The following ZNF396 variants were observed in gnomAD, a reference collection of about 807,000 sequenced individuals.
The protein encoded by ZNF396 is zinc finger and SCAN domain-containing protein 14.
In ZNF396, 14 loss-of-function variants were observed where a neutral mutation model predicts 20.5. The observed-to-expected ratio is 0.68, with a 90% CI of 0.45 to 1.07. The LOEUF is 1.07. Among genes scored for constraint, ZNF396 ranks in the 50% least tolerant of loss-of-function variants. The probability of loss-of-function intolerance (pLI) is 0.00; values close to 1 mark genes in which losing one functional copy is unlikely to be tolerated. For missense variants in ZNF396, 347 were observed against 390.1 expected, an observed-to-expected ratio of 0.89 and a Z score of 0.93; for synonymous variants, 119 against 140.6, an observed-to-expected ratio of 0.85 and a Z score of 1.08.
intron 3 of ZNF396, 38 bp downstream of exon 3, chr18:35,373,418 C>T (rs2045210229): frequency 1.2e-6 from 2 of 1,602,442 alleles, no homozygotes; most frequent in Non-Finnish European, 8.5e-7. Flanking sequence ...CAGAGGGCCC[C>T]CACACCTTCC....
At chr18:35,375,304 G>GA (rs1201077158) in intron 1 of ZNF396, among the ~76,000 whole-genome samples, 4 of 27,406 alleles carry the variant, frequency 1.5e-4, no homozygotes, top group East Asian at 9.5e-4. Flanking sequence ...AAAAAAAAAA[G>GA]AAAAAACAAC....
intron 3 of ZNF396, among the ~76,000 whole-genome samples, chr18:35,371,180 A>G (rs2045174110): frequency 6.6e-6 from 1 of 152,174 alleles, no homozygotes; most frequent in East Asian, 1.9e-4. Flanking sequence ...CCTTAGAATC[A>G]CCCAACATAA....
At chr18:35,370,574 G>C (rs1277420670) in intron 3 of ZNF396, among the ~76,000 whole-genome samples, 1 of 142,760 alleles carries the variant, frequency 7.0e-6, no homozygotes, top group South Asian at 2.3e-4. Flanking sequence ...GTGCAGTGGC[G>C]GGATCTCGGC....
Position 35,368,936 on chromosome 18 carries a change from A to G in ZNF396, c.*279T>C. On this transcript the variant is annotated 3_prime_UTR_variant, in exon 4 of 4. Coordinates refer to ENST00000589332, the MANE Select transcript of ZNF396 (RefSeq NM_001322286.2). ...TATATGTGTTAATAATGAAAATAGT[A>G]GAACATGTCTGAGAATGCCTTTTCA... The G allele has an allele frequency of 1.7e-6, 2 of 1,206,804 alleles. No individual in the cohort carries two copies. Among genetic ancestry groups the G allele is most frequent in the Non-Finnish European group, 2.1e-6 (2 of 971,590 alleles). 74.8% of individuals were successfully genotyped at this position (1,206,804 alleles called of 1,614,324 possible). A position where few individuals can be genotyped will look rare whatever the true frequency, so the allele number is the denominator to read the frequency against.
At position 35,368,439 on chromosome 18, in the gene ZNF396, T is replaced by A; in HGVS notation, c.*776A>T. The A allele has an allele frequency of 1.4e-6, 2 of 1,395,108 alleles. No individual in the cohort carries two copies. Among genetic ancestry groups the A allele is most frequent in the Non-Finnish European group, 1.9e-6 (2 of 1,066,768 alleles). The allele number at this position is 1,395,108 out of a possible 1,614,324, so 86.4% of individuals were successfully genotyped here. On this transcript the variant is annotated 3_prime_UTR_variant, in exon 4 of 4. Coordinates refer to ENST00000589332, the MANE Select transcript of ZNF396 (RefSeq NM_001322286.2). ...GGCCTCTGCAATCGCATGTTCATAT[T>A]TTGAATCTAGTAACAGAAGACAAAA...
At chr18:35,373,149 A>G (rs1030889938) in intron 3 of ZNF396, 2 of 376,928 alleles carry the variant, frequency 5.3e-6, no homozygotes, top group African/African-American at 4.1e-5. Context: ...TGGGCTGTGT[A>G]CCTTGGGGTC....
chr18:35,375,910 T>G (rs1787933750), intron 1 of ZNF396, among the ~76,000 whole-genome samples: 1 of 152,106 alleles, frequency 6.6e-6, no homozygotes, highest in Admixed American at 6.5e-5. Context: ...GCCCGGCTAA[T>G]TTTTATAATT....
intron 1 of ZNF396, among the ~76,000 whole-genome samples, chr18:35,376,882 G>C (rs1252316152): frequency 6.6e-6 from 1 of 152,128 alleles, no homozygotes; most frequent in Non-Finnish European, 1.5e-5. Context: ...CTTTCTGCAG[G>C]GGACGCCGCT....
rs1567952275 is a variant in ZNF396, at chr18:35,367,116, T to C, written c.*2099A>G. 6.6e-6 allele frequency: 1 copy of C among 152,226 alleles called. No homozygotes were observed. The highest frequency in any genetic ancestry group is 1.5e-5 in the Non-Finnish European group (1 of 68,034). 9.4% of individuals were successfully genotyped at this position (152,226 alleles called of 1,614,324 possible). A position where few individuals can be genotyped will look rare whatever the true frequency, so the allele number is the denominator to read the frequency against. On this transcript the variant is annotated 3_prime_UTR_variant, in exon 4 of 4. Coordinates refer to ENST00000589332, the MANE Select transcript of ZNF396 (RefSeq NM_001322286.2). Reference sequence around the variant, plus strand: ...CTGAGGCACTTGTTGTTTCAATAGATGGTTTGTTCCTCTCCGTAATTACAA... The same window carrying C: ...CTGAGGCACTTGTTGTTTCAATAGACGGTTTGTTCCTCTCCGTAATTACAA...
chr18:35,368,812 A>T lies in ZNF396; in HGVS notation c.*403T>A. 1 of 995,024 alleles carries T rather than the reference A, an allele frequency of 1.0e-6. No individual in the cohort carries two copies. Among genetic ancestry groups the T allele is most frequent in the Non-Finnish European group, 1.2e-6 (1 of 836,824 alleles). 61.6% of individuals were successfully genotyped at this position (995,024 alleles called of 1,614,324 possible). On this transcript the variant is annotated 3_prime_UTR_variant, in exon 4 of 4. Transcript: ENST00000589332. ...TTAGAATTCTAGTGCTCAAGTTATG[A>T]AATGGAGGAGAATGTCTATTTTTAC...
Position 35,374,324 on chromosome 18 carries a change from CT to C in ZNF396, c.-33del. 1 of 1,592,086 alleles carries C rather than the reference CT, an allele frequency of 6.3e-7. No homozygotes were observed. Among genetic ancestry groups the C allele is most frequent in the Non-Finnish European group, 8.5e-7 (1 of 1,169,838 alleles). The stretch of plus-strand genomic sequence containing the variant: ...AGACAAATAGCTCAGTACTGTTAGG[CT>C]TTAATCCTCAAGGAGGTGAAGCTGT... On this transcript the variant is annotated 5_prime_UTR_variant, in exon 2 of 4. Transcript: ENST00000589332. The surrounding 1 kb of genome is among the most constrained non-coding windows in gnomAD (Gnocchi z 4.3).
At chr18:35,375,282 C>T (rs1359724452) in intron 1 of ZNF396, among the ~76,000 whole-genome samples, 1 of 98,870 alleles carries the variant, frequency 1.0e-5, no homozygotes, top group Non-Finnish European at 2.0e-5. Flanking sequence ...CCATCTCTAC[C>T]CCACCAAAAA....
intron 2 of ZNF396, 58 bp downstream of exon 2, chr18:35,373,818 G>T: frequency 6.4e-7 from 1 of 1,559,004 alleles, no homozygotes; most frequent in South Asian, 1.2e-5. Context: ...TACTCCCAAT[G>T]ATGTGCCAGT....
rs759262254 is a variant in ZNF396 at position 35,373,562 on chromosome 18, C to G, written c.456G>C (p.Lys152Asn). The change falls in exon 3 of 4, where the codon AAG (lysine) becomes AAC (asparagine). Residue 152 changes from lysine to asparagine, a missense_variant. Physicochemically the swap from Lys to Asn is moderately conservative, Grantham distance 94 (BLOSUM62 0). Coordinates refer to ENST00000589332, the MANE Select transcript of ZNF396 (RefSeq NM_001322286.2). Reference protein sequence around the residue: ...FGRRKDMIAEKLAPSEITEEL... With the variant: ...FGRRKDMIAENLAPSEITEEL... Reference sequence around the variant, plus strand: ...CCTCAGTGATTTCTGAAGGTGCTAGCTTCTCTGCAATCATGTCCTTCCTTC... The same window carrying G: ...CCTCAGTGATTTCTGAAGGTGCTAGGTTCTCTGCAATCATGTCCTTCCTTC... 2 of 1,614,158 alleles carry G rather than the reference C, an allele frequency of 1.2e-6. No individual in the cohort carries two copies. The highest frequency in any genetic ancestry group is 3.3e-5 in the Admixed American group (2 of 60,026).
intron 3 of ZNF396, 88 bp downstream of exon 3, chr18:35,373,368 G>C (rs765225204): frequency 6.9e-7 from 1 of 1,453,282 alleles, no homozygotes; most frequent in Non-Finnish European, 9.2e-7. Context: ...GGGGAGATTT[G>C]AGGCCTCTTG....
In ZNF396 at chr18:35,367,556, A is replaced by G. The variant is rs1427534967; in HGVS notation, c.*1659T>C. ...GAAAACACAATACATGTATTATTGT[A>G]GTAACATTACAGAGTTTTATCAAGA... On this transcript the variant is annotated 3_prime_UTR_variant, in exon 4 of 4. Coordinates refer to ENST00000589332, the MANE Select transcript of ZNF396 (RefSeq NM_001322286.2). 6.6e-6 allele frequency: 1 copy of G among 152,238 alleles called. No individual in the cohort carries two copies. Among genetic ancestry groups the G allele is most frequent in the African/African-American group, 2.4e-5 (1 of 41,464 alleles). 9.4% of individuals were successfully genotyped at this position (152,238 alleles called of 1,614,324 possible). A position where few individuals can be genotyped will look rare whatever the true frequency, so the allele number is the denominator to read the frequency against.
At chr18:35,375,435 T>C (rs2045244300) in intron 1 of ZNF396, among the ~76,000 whole-genome samples, 1 of 152,234 alleles carries the variant, frequency 6.6e-6, no homozygotes, top group African/African-American at 2.4e-5. Flanking sequence ...TAATTAATGC[T>C]GGGAGGCACA....
chr18:35,369,349 C>T lies in ZNF396; in HGVS notation c.874G>A (p.Ala292Thr), dbSNP rs757883580. Residue 292 changes from alanine (A) to threonine (T), a missense_variant, in exon 4 of 4, where the codon GCA (alanine) becomes ACA (threonine). By Grantham distance (58) the Ala-to-Thr change is moderately conservative. Transcript: ENST00000589332. ...DECAKAFSRS[A>T]ILIQHRRTHT... ...GTTCGTCGATGCTGAATCAGAATTG[C>T]GCTTCGGCTGAATGCCTTTGCACAC... The T allele has an allele frequency of 1.4e-5, 23 of 1,614,074 alleles. No individual in the cohort carries two copies. The highest frequency in any genetic ancestry group is 6.6e-5 in the South Asian group (6 of 91,082).
chr18:35,376,545 GCGCGTTGTCTCAGCGC>G (rs1348350889), intron 1 of ZNF396, among the ~76,000 whole-genome samples: 1 of 152,186 alleles, frequency 6.6e-6, no homozygotes, highest in Non-Finnish European at 1.5e-5. Flanking sequence ...GGTGACCCCT[GCGCGTTGTCTCAGCGC>G]AGAGGAGGAA....
Sources: allele counts gnomAD v4.1 joint callset (sites outside exome capture counted in the v4.1 genomes callset), GRCh38; gene constraint gnomAD v4.1.1; non-coding constraint Gnocchi (gnomAD v3.1); transcripts MANE v1.5; gene names NCBI Gene and HGNC (gene_info 2026-07-23, HGNC 2026-07-21).